The following PCSK2 variants were observed in gnomAD, a reference collection of about 807,000 sequenced individuals.
PCSK2 encodes proprotein convertase subtilisin/kexin type 2, also known as neuroendocrine convertase 2.
A neutral mutation model predicts 69.7 loss-of-function variants in PCSK2; 14 were observed. That is an observed-to-expected ratio of 0.20 (90% CI 0.13 to 0.31). The LOEUF is 0.31. Ranked by LOEUF, PCSK2 falls within the 10% of genes least tolerant of loss-of-function variation. The pLI is 1.00. For missense variants in PCSK2, 544 were observed against 842.5 expected (o/e 0.65, Z 4.39); for synonymous variants, 307 against 320.7 (o/e 0.96, Z 0.46).
intron 8 of PCSK2, among the ~76,000 whole-genome samples, chr20:17,448,056 T>G (rs1381448088): frequency 1.3e-5 from 2 of 152,248 alleles, no homozygotes; most frequent in Non-Finnish European, 2.9e-5. Context: ...ATAATAAATA[T>G]TATTTTCATA....
Position 17,480,008 on chromosome 20 carries a change from T to G in PCSK2, c.1431-1576T>G, listed in dbSNP as rs146095074. 5.8e-3 allele frequency among the ~76,000 whole-genome samples: 874 copies of G among 151,898 alleles called. 15 individuals are homozygous for G. Among genetic ancestry groups the G allele is most frequent in the African/African-American group, 0.02 (835 of 41,458 alleles). ...TTCCTTCTTTCTACTGCAAGAACCTTTGAGCTTCTCCCACTCCAAGAAGGC... is the reference window on the plus strand; with the variant it reads ...TTCCTTCTTTCTACTGCAAGAACCTGTGAGCTTCTCCCACTCCAAGAAGGC... On this transcript the variant is annotated intron_variant, in intron 11 of 11. Transcript: ENST00000262545.
In PCSK2 at chr20:17,247,892, G is replaced by C. The variant is rs1986825101; in HGVS notation, c.178-12348G>C. On this transcript the variant is annotated intron_variant, in intron 1 of 11. Transcript: ENST00000262545. ...TGGGAAAATGGAGTGTGTGGGTTCA[G>C]AGAGGTGCTATAGCTTGGAGCCATA... Among the ~76,000 whole-genome samples the C allele has an allele frequency of 3.9e-5, 6 of 152,318 alleles. No homozygotes were observed. In the South Asian group the frequency reaches 1.2e-3, roughly 32 times the overall value.
At chr20:17,376,164 C>G (rs988559893) in intron 5 of PCSK2, among the ~76,000 whole-genome samples, 1 of 152,178 alleles carries the variant, frequency 6.6e-6, no homozygotes, top group African/African-American at 2.4e-5. Context: ...CACCACCACC[C>G]ACACTGGCCT....
At chr20:17,275,954 G>A (rs1444063886) in intron 2 of PCSK2, among the ~76,000 whole-genome samples, 1 of 151,942 alleles carries the variant, frequency 6.6e-6, no homozygotes, top group Non-Finnish European at 1.5e-5. Context: ...TATACAATGT[G>A]GGTAATAATA....
At chr20:17,245,997 T>C (rs1432311685) in intron 1 of PCSK2, among the ~76,000 whole-genome samples, 6 of 152,202 alleles carry the variant, frequency 3.9e-5, no homozygotes. Context: ...CCACACTGAA[T>C]AGCACAACTA....
chr20:17,376,267 G>A (rs1372162859), intron 5 of PCSK2, among the ~76,000 whole-genome samples: 1 of 152,050 alleles, frequency 6.6e-6, no homozygotes, highest in East Asian at 1.9e-4. Flanking sequence ...AGCCAGCCAA[G>A]CTCAGCAGAG....
chr20:17,466,225 C>A (rs999159602), intron 11 of PCSK2, among the ~76,000 whole-genome samples: 5 of 152,164 alleles, frequency 3.3e-5, no homozygotes, highest in Admixed American at 2.6e-4. Context: ...GCCAGCGTAG[C>A]CATATTCTTA....
intron 2 of PCSK2, among the ~76,000 whole-genome samples, chr20:17,319,978 T>C (rs574750559): frequency 6.6e-6 from 1 of 152,204 alleles, no homozygotes; most frequent in Non-Finnish European, 1.5e-5. Context: ...GATAGGAAAA[T>C]TTATTTATAA....
intron 5 of PCSK2, among the ~76,000 whole-genome samples, chr20:17,399,151 G>T (rs1459733301): frequency 1.3e-5 from 2 of 152,212 alleles, no homozygotes; most frequent in Non-Finnish European, 2.9e-5. Flanking sequence ...AAAATGACAA[G>T]TGGCAGGATG....
intron 2 of PCSK2, among the ~76,000 whole-genome samples, chr20:17,336,902 T>A (rs1990368484): frequency 6.6e-6 from 1 of 152,164 alleles, no homozygotes; most frequent in Non-Finnish European, 1.5e-5. Flanking sequence ...GCAAAATTGG[T>A]TATACCCTTG....
chr20:17,321,213 G>A (rs6034797), intron 2 of PCSK2, among the ~76,000 whole-genome samples: 1,993 of 152,238 alleles, frequency 0.013, 51 homozygotes, highest in African/African-American at 0.045. Flanking sequence ...TGTCCCTGTC[G>A]TCTCTCAAAA....
intron 5 of PCSK2, among the ~76,000 whole-genome samples, chr20:17,383,454 C>A (rs1176475631): frequency 6.6e-6 from 1 of 152,182 alleles, no homozygotes; most frequent in Non-Finnish European, 1.5e-5. Flanking sequence ...TCCAAGACTG[C>A]CTTGTCCATC....
intron 2 of PCSK2, among the ~76,000 whole-genome samples, chr20:17,305,684 A>G (rs1043429370): frequency 6.6e-6 from 1 of 152,256 alleles, no homozygotes; most frequent in African/African-American, 2.4e-5. Flanking sequence ...TTTCAAGACA[A>G]TAAAAAACAT....
At chr20:17,417,716 C>T (rs573041514) in intron 6 of PCSK2, among the ~76,000 whole-genome samples, 2 of 152,054 alleles carry the variant, frequency 1.3e-5, no homozygotes, top group South Asian at 2.1e-4. Context: ...CATGAGTGTA[C>T]GATATGTTTA....
Position 17,436,983 on chromosome 20 carries a change from G to T in PCSK2, c.885+100G>T, listed in dbSNP as rs2032496942. On this transcript the variant is annotated intron_variant, in intron 8 of 11. Transcript: ENST00000262545. ...GGTGAACCACTGTCACCCTGTGTGT[G>T]AGTCCAGGTCCTGCAGGAATCAGAC... The T allele has an allele frequency of 2.8e-6, 3 of 1,073,786 alleles. No individual in the cohort carries two copies. The East Asian group carries it at 7.8e-5, about 28-fold the overall frequency. The allele number at this position is 1,073,786 out of a possible 1,614,324, so 66.5% of individuals were successfully genotyped here. A position where few individuals can be genotyped will look rare whatever the true frequency, so the allele number is the denominator to read the frequency against.
intron 4 of PCSK2, among the ~76,000 whole-genome samples, chr20:17,362,473 T>C (rs1179820204): frequency 6.6e-6 from 1 of 151,802 alleles, no homozygotes; most frequent in African/African-American, 2.4e-5. Flanking sequence ...GCAGGTGGAG[T>C]CAGAAGGAAG....
At chr20:17,434,991 A>C (rs1037301473) in intron 7 of PCSK2, among the ~76,000 whole-genome samples, 1 of 152,220 alleles carries the variant, frequency 6.6e-6, no homozygotes, top group African/African-American at 2.4e-5. Context: ...ATCTCCTTAT[A>C]AAATGAACCA....
At chr20:17,240,291 A>T (rs746769747) in intron 1 of PCSK2, among the ~76,000 whole-genome samples, 1 of 152,096 alleles carries the variant, frequency 6.6e-6, no homozygotes, top group Non-Finnish European at 1.5e-5. Context: ...TGAACAAAAC[A>T]TGGATCCAAT....
intron 10 of PCSK2, chr20:17,465,109 G>T: frequency 3.4e-6 from 2 of 581,526 alleles, no homozygotes; most frequent in Non-Finnish European, 6.2e-6. Context: ...ATCAATTTAT[G>T]TAAGTAAGAA....
Sources: gnomAD v4.1 joint callset for allele counts (sites outside exome capture counted in the v4.1 genomes callset) on GRCh38, gnomAD v4.1.1 for gene constraint, MANE v1.5 for transcripts, NCBI Gene and HGNC (gene_info 2026-07-23, HGNC 2026-07-21) for gene names.